The following MTUS2 variants were observed in gnomAD, a reference collection of about 807,000 sequenced individuals.
MTUS2 encodes the protein microtubule associated scaffold protein 2.
A neutral mutation model predicts 114.1 loss-of-function variants in MTUS2; 40 were observed. The observed-to-expected ratio is 0.35, with a 90% confidence interval of 0.27 to 0.46. MTUS2 has a LOEUF of 0.46. MTUS2 is among the 20% of genes least tolerant of loss of function. The probability of loss-of-function intolerance (pLI) is 1.00; values close to 1 mark genes in which losing one functional copy is unlikely to be tolerated. For missense variants in MTUS2, 1,679 were observed against 1,705.4 expected (o/e 0.98, Z 0.27); for synonymous variants, 688 against 672.0 (o/e 1.02, Z -0.37).
At chr13:29,308,050 A>G (rs1047563239) in intron 6 of MTUS2, among the ~76,000 whole-genome samples, 2 of 152,246 alleles carry the variant, frequency 1.3e-5, no homozygotes, top group Non-Finnish European at 2.9e-5. Context: ...TTAAACTACC[A>G]TTGACATTCT....
At chr13:28,978,352 G>T (rs905196002) in intron 2 of MTUS2, among the ~76,000 whole-genome samples, 1 of 152,136 alleles carries the variant, frequency 6.6e-6, no homozygotes, top group African/African-American at 2.4e-5. Context: ...GTTTTGATTA[G>T]GGAATAGGAT....
At chr13:28,841,620 A>G (rs1232793357) in intron 2 of MTUS2, among the ~76,000 whole-genome samples, 1 of 151,614 alleles carries the variant, frequency 6.6e-6, no homozygotes, top group Admixed American at 6.6e-5. Context: ...CAAGAGGGAT[A>G]TTCAAGGGGC....
At chr13:28,928,333 G>A (rs1277573850) in intron 2 of MTUS2, among the ~76,000 whole-genome samples, 1 of 152,198 alleles carries the variant, frequency 6.6e-6, no homozygotes. Context: ...CAGAATGGGA[G>A]AAAATATTTG....
intron 5 of MTUS2, among the ~76,000 whole-genome samples, chr13:29,274,845 C>G (rs1165136014): frequency 2.0e-5 from 3 of 152,054 alleles, no homozygotes; most frequent in Admixed American, 6.5e-5. Flanking sequence ...TCCTCCAGCT[C>G]CAGCCTCCCA....
intron 4 of MTUS2, among the ~76,000 whole-genome samples, chr13:29,064,926 C>T (rs1244373748): frequency 1.3e-5 from 2 of 152,204 alleles, no homozygotes; most frequent in Non-Finnish European, 2.9e-5. Context: ...TGACCTCTAG[C>T]TCCATCCATG....
At chr13:28,878,602 G>T (rs992938486) in intron 2 of MTUS2, among the ~76,000 whole-genome samples, 3 of 152,118 alleles carry the variant, frequency 2.0e-5, no homozygotes, top group Admixed American at 6.6e-5. Context: ...TTCTGTTCCT[G>T]CATTAGTTTG....
intron 8 of MTUS2, among the ~76,000 whole-genome samples, chr13:29,429,988 TC>T (rs1379521316): frequency 6.6e-6 from 1 of 152,224 alleles, no homozygotes; most frequent in East Asian, 1.9e-4. Flanking sequence ...AATAACTACT[TC>T]AGTGGATTTG....
chr13:28,849,401 A>G (rs1349495787), intron 2 of MTUS2, among the ~76,000 whole-genome samples: 2 of 152,242 alleles, frequency 1.3e-5, no homozygotes, highest in African/African-American at 4.8e-5. Flanking sequence ...AAAACACAGC[A>G]GAAGTTCATG....
chr13:29,471,554 G>A (rs191999220), intron 9 of MTUS2, among the ~76,000 whole-genome samples: 1 of 152,074 alleles, frequency 6.6e-6, no homozygotes, highest in Non-Finnish European at 1.5e-5. Context: ...CTTGCCCACT[G>A]CTGCGGGAGA....
intron 2 of MTUS2, among the ~76,000 whole-genome samples, chr13:28,847,553 C>G (rs1875970600): frequency 6.6e-6 from 1 of 152,168 alleles, no homozygotes; most frequent in Non-Finnish European, 1.5e-5. Flanking sequence ...CCGCTGCATC[C>G]TCTGTCTTGT....
rs533169178 is a variant in MTUS2 at position 29,421,768 on chromosome 13, A to G, written c.3118-18215A>G. ...CACAGAGAAAGAGGGAATTCACTCC[A>G]AATTGGAGGGTTGGGCAGAGCCCTG... On this transcript the variant is annotated intron_variant, in intron 8 of 15. Transcript: ENST00000612955. Among the ~76,000 whole-genome samples, 16 of 152,312 alleles carry G rather than the reference A, an allele frequency of 1.1e-4. No homozygotes were observed. The South Asian group carries it at 2.9e-3, about 28-fold the overall frequency.
rs139051194 is a variant in MTUS2 at position 29,452,701 on chromosome 13, C to A, written c.3184+12652C>A. Among the ~76,000 whole-genome samples the A allele has an allele frequency of 5.5e-3, 837 of 152,068 alleles. 7 individuals carry two copies. The highest frequency in any genetic ancestry group is 0.019 in the African/African-American group (805 of 41,446). ...TCAAATGATCCTCCTGCCTCAGCCT[C>A]CCAAAGTGCTGGGATTACAGATGTG... On this transcript the variant is annotated intron_variant, in intron 9 of 15. Transcript: ENST00000612955.
intron 5 of MTUS2, among the ~76,000 whole-genome samples, chr13:29,200,131 A>G (rs1467410508): frequency 2.0e-5 from 3 of 152,004 alleles, no homozygotes; most frequent in African/African-American, 2.4e-5. Flanking sequence ...AATCTTTTCA[A>G]AAAACCAGCT....
intron 2 of MTUS2, among the ~76,000 whole-genome samples, chr13:29,000,689 T>G (rs971296212): frequency 5.9e-5 from 9 of 152,180 alleles, no homozygotes; most frequent in Non-Finnish European, 1.3e-4. Flanking sequence ...TTTTAGCGCT[T>G]TAAATATATC....
At chr13:28,942,729 T>G (rs1882313800) in intron 2 of MTUS2, among the ~76,000 whole-genome samples, 1 of 152,178 alleles carries the variant, frequency 6.6e-6, no homozygotes, top group African/African-American at 2.4e-5. Context: ...GATTTCAGTT[T>G]TTATCAAGGT....
intron 5 of MTUS2, among the ~76,000 whole-genome samples, chr13:29,216,070 A>G (rs1895668275): frequency 6.6e-6 from 1 of 152,018 alleles, no homozygotes; most frequent in Admixed American, 6.5e-5. Flanking sequence ...TTCTGAGATG[A>G]CCTGCCCAGT....
intron 4 of MTUS2, among the ~76,000 whole-genome samples, chr13:29,057,598 G>T (rs1888197601): frequency 1.3e-5 from 2 of 151,978 alleles, no homozygotes; most frequent in African/African-American, 2.4e-5. Flanking sequence ...AGTCTGTTTT[G>T]CCTGAAATTA....
chr13:28,887,910 TC>T (rs1020721163), intron 2 of MTUS2, among the ~76,000 whole-genome samples: 1 of 152,188 alleles, frequency 6.6e-6, no homozygotes, highest in Non-Finnish European at 1.5e-5. Flanking sequence ...ATGGTTAACT[TC>T]CTCTGTCCTA....
chr13:29,084,796 C>G (rs1223881535), intron 4 of MTUS2, among the ~76,000 whole-genome samples: 1 of 136,248 alleles, frequency 7.3e-6, no homozygotes, highest in Non-Finnish European at 1.6e-5. Flanking sequence ...CCCCCCTCAC[C>G]GTTGGCCTTC....
Sources: allele counts gnomAD v4.1 joint callset (sites outside exome capture counted in the v4.1 genomes callset), GRCh38; gene constraint gnomAD v4.1.1; transcripts MANE v1.5; gene names NCBI Gene and HGNC (gene_info 2026-07-23, HGNC 2026-07-21).